The following SEMA6A variants were observed in gnomAD, a reference collection of about 807,000 sequenced individuals.
SEMA6A encodes semaphorin-6A.
SEMA6A carries 25 observed loss-of-function variants against 96.8 expected under a neutral mutation model. The ratio of observed to expected loss-of-function variants is 0.26; its 90% confidence interval spans 0.19 to 0.36. SEMA6A has a LOEUF of 0.36. Among genes scored for constraint, SEMA6A ranks in the 10% least tolerant of loss-of-function variants. The pLI is 1.00. For missense variants in SEMA6A, 1,363 were observed against 1,323.1 expected (o/e 1.03, Z -0.47); for synonymous variants, 612 against 518.0 (o/e 1.18, Z -2.46).
intron 1 of SEMA6A, among the ~76,000 whole-genome samples, chr5:116,527,909 AG>A (rs1357441503): frequency 2.0e-5 from 3 of 152,344 alleles, no homozygotes; most frequent in African/African-American, 7.2e-5. Context: ...AAAAGCATAA[AG>A]CAAATGCATA....
intron 10 of SEMA6A, among the ~76,000 whole-genome samples, chr5:116,485,186 C>T (rs750621868): frequency 1.3e-5 from 2 of 151,876 alleles, no homozygotes; most frequent in Admixed American, 6.6e-5. Flanking sequence ...TCTTAGGGGC[C>T]GTTTAAGAAA....
intron 18 of SEMA6A, among the ~76,000 whole-genome samples, chr5:116,452,972 G>T (rs970521904): frequency 8.5e-5 from 13 of 152,198 alleles, no homozygotes; most frequent in Non-Finnish European, 1.8e-4. Context: ...TCCAAAGTGT[G>T]GCTATGTCAT....
rs941356874 is a variant in SEMA6A at position 116,486,733 on chromosome 5, G to A, written c.962+16C>T. ...AGGAAGAATTGATGAGGTCAACACA[G>A]CTAGGGCATGATTACCTGTTATAAG... On this transcript the variant is annotated intron_variant, in intron 10 of 18. Transcript: ENST00000343348. 4 of 1,604,674 alleles carry A rather than the reference G, an allele frequency of 2.5e-6. No homozygotes were observed. Among genetic ancestry groups the A allele is most frequent in the Non-Finnish European group, 3.4e-6 (4 of 1,171,662 alleles).
At chr5:116,511,854 C>T (rs1454600604) in intron 1 of SEMA6A, among the ~76,000 whole-genome samples, 2 of 152,194 alleles carry the variant, frequency 1.3e-5, no homozygotes, top group Non-Finnish European at 2.9e-5. Flanking sequence ...ATCAACACAT[C>T]ATAGAGAACA....
chr5:116,457,157 T>C (rs1755064240), intron 18 of SEMA6A, among the ~76,000 whole-genome samples: 1 of 152,220 alleles, frequency 6.6e-6, no homozygotes, highest in Non-Finnish European at 1.5e-5. Flanking sequence ...AAATTTCTGC[T>C]GTGTGCTTTT....
chr5:116,446,839 C>T lies in SEMA6A; in HGVS notation c.2867G>A (p.Gly956Glu). ...CTGCGGGGCGGGCGGCGGGTTGTCT[C>T]CCCTGCCAAAGCTCTGGTTTCTGGA... The part of the protein sequence containing the change: ...HLSRNQSFGR[G>E]DNPPPAPQRV... The change falls in exon 19 of 19, where the codon GGA becomes GAA. Residue 956 changes from glycine to glutamate, a missense_variant. Physicochemically the swap from Gly to Glu is moderately conservative, Grantham distance 98 (BLOSUM62 -2). Coordinates refer to ENST00000343348, the MANE Select transcript of SEMA6A (RefSeq NM_020796.5). 1.2e-6 allele frequency: 2 copies of T among 1,613,946 alleles called. No individual in the cohort carries two copies. Among genetic ancestry groups the T allele is most frequent in the South Asian group, 1.1e-5 (1 of 91,076 alleles).
chr5:116,497,251 C>T, intron 4 of SEMA6A, 76 bp downstream of exon 4: 1 of 839,912 alleles, frequency 1.2e-6, no homozygotes, highest in South Asian at 1.7e-5. Context: ...CATCTTAATG[C>T]ACTTAAAATA....
At chr5:116,523,682 T>C (rs1248128057) in intron 1 of SEMA6A, among the ~76,000 whole-genome samples, 1 of 152,130 alleles carries the variant, frequency 6.6e-6, no homozygotes, top group Non-Finnish European at 1.5e-5. Flanking sequence ...TTTCCAAACT[T>C]GCCTGCACAT....
intron 1 of SEMA6A, among the ~76,000 whole-genome samples, chr5:116,572,862 T>C (rs888728485): frequency 1.3e-5 from 2 of 152,140 alleles, no homozygotes; most frequent in African/African-American, 2.4e-5. Context: ...CTGCCGCCCC[T>C]GGCTTTCAGG....
intron 1 of SEMA6A, among the ~76,000 whole-genome samples, chr5:116,516,003 T>G (rs1256836997): frequency 6.6e-6 from 1 of 152,208 alleles, no homozygotes; most frequent in Non-Finnish European, 1.5e-5. Context: ...AGTCTCAAGA[T>G]CAGGAAGAAA....
At chr5:116,447,934 GT>G (rs1396009067) in intron 18 of SEMA6A, 123 bp from the exon 19 acceptor site, 2 of 795,678 alleles carry the variant, frequency 2.5e-6, no homozygotes, top group Non-Finnish European at 4.0e-6. Flanking sequence ...TGCACAACTT[GT>G]CTTCCAAGCT....
chr5:116,500,976 A>G (rs1257357443), intron 3 of SEMA6A, among the ~76,000 whole-genome samples: 1 of 152,082 alleles, frequency 6.6e-6, no homozygotes, highest in African/African-American at 2.4e-5. Context: ...GCGCCACTGC[A>G]CTCCAGCCTG....
intron 1 of SEMA6A, among the ~76,000 whole-genome samples, chr5:116,517,027 G>C (rs1758699152): frequency 6.6e-6 from 1 of 152,144 alleles, no homozygotes; most frequent in Non-Finnish European, 1.5e-5. Flanking sequence ...ATGAGGCCAA[G>C]TTCATTTCAG....
chr5:116,565,559 C>T lies in SEMA6A; in HGVS notation c.-39+8626G>A, dbSNP rs1287487331. On this transcript the variant is annotated intron_variant, in intron 1 of 18. Coordinates refer to ENST00000343348, the MANE Select transcript of SEMA6A (RefSeq NM_020796.5). The stretch of plus-strand genomic sequence containing the variant: ...ACTCCACTGCCATTCTGCCAATATA[C>T]TTGAGTTTAGAATGCTACAAACAAT... 3.3e-5 allele frequency among the ~76,000 whole-genome samples: 5 copies of T among 152,340 alleles called. No individual in the cohort carries two copies. The South Asian group carries it at 1.0e-3, about 32-fold the overall frequency.
At chr5:116,527,216 C>G (rs950418179) in intron 1 of SEMA6A, among the ~76,000 whole-genome samples, 1 of 151,946 alleles carries the variant, frequency 6.6e-6, no homozygotes, top group East Asian at 1.9e-4. Flanking sequence ...GTTAATTCTT[C>G]ACAGTCATAC....
At chr5:116,477,004 G>A (rs1756483551) in intron 15 of SEMA6A, among the ~76,000 whole-genome samples, 1 of 152,198 alleles carries the variant, frequency 6.6e-6, no homozygotes, top group South Asian at 2.1e-4. Context: ...GAAATAGGAA[G>A]GGAGGCTCAC....
At chr5:116,502,054 T>A (rs1757908616) in intron 3 of SEMA6A, among the ~76,000 whole-genome samples, 156 bp downstream of exon 3, 1 of 152,222 alleles carries the variant, frequency 6.6e-6, no homozygotes, top group Non-Finnish European at 1.5e-5. Context: ...CAGACAATTT[T>A]GAAATAATGA....
At chr5:116,517,467 A>T (rs527894718) in intron 1 of SEMA6A, among the ~76,000 whole-genome samples, 5 of 148,196 alleles carry the variant, frequency 3.4e-5, no homozygotes, top group South Asian at 2.1e-4. Flanking sequence ...CACAGAATTT[A>T]AAAAAAAAAG....
chr5:116,478,793 G>A, intron 12 of SEMA6A, 75 bp from the exon 13 acceptor site: 1 of 1,424,794 alleles, frequency 7.0e-7, no homozygotes, highest in South Asian at 1.4e-5. Flanking sequence ...ACTTCAAACA[G>A]CTGCGACATA....
Sources: gnomAD v4.1 joint callset for allele counts (sites outside exome capture counted in the v4.1 genomes callset) on GRCh38, gnomAD v4.1.1 for gene constraint, MANE v1.5 for transcripts, NCBI Gene and HGNC (gene_info 2026-07-23, HGNC 2026-07-21) for gene names.